The following SLC24A2 variants were observed in gnomAD, a reference collection of about 807,000 sequenced individuals.
The protein encoded by SLC24A2 is sodium/potassium/calcium exchanger 2.
In SLC24A2, 36 loss-of-function variants were observed where a neutral mutation model predicts 62.0. The observed-to-expected ratio is 0.58, with a 90% confidence interval of 0.44 to 0.77. SLC24A2 has a LOEUF of 0.77. Ranked by LOEUF, SLC24A2 falls within the 30% of genes least tolerant of loss-of-function variation. The pLI is 0.00. For missense variants in SLC24A2, 846 were observed against 817.9 expected, an observed-to-expected ratio of 1.03 and a Z score of -0.42; for synonymous variants, 358 against 294.0, an observed-to-expected ratio of 1.22 and a Z score of -2.23.
the SLC24A2 span, among the ~76,000 whole-genome samples, chr9:20,253,951 C>A: frequency 1.4e-4 from 21 of 151,854 alleles, no homozygotes; most frequent in African/African-American, 4.6e-4. Flanking sequence ...AAAGGAGGAC[C>A]AATGAGGGAG....
the SLC24A2 span, among the ~76,000 whole-genome samples, chr9:19,806,718 G>A: frequency 6.6e-6 from 1 of 152,146 alleles, no homozygotes; most frequent in East Asian, 1.9e-4. Context: ...AGTCATTTAA[G>A]AACAATGAGA....
the SLC24A2 span, among the ~76,000 whole-genome samples, chr9:20,044,051 G>C: frequency 6.6e-6 from 1 of 151,972 alleles, no homozygotes; most frequent in Admixed American, 6.5e-5. Flanking sequence ...AGCCATCAAC[G>C]TCAAGACAAG....
At chr9:19,689,417 G>A (rs1819978871) in intron 2 of SLC24A2, among the ~76,000 whole-genome samples, 3 of 152,140 alleles carry the variant, frequency 2.0e-5, no homozygotes. Flanking sequence ...CTAGTAAGGG[G>A]AGCTGCTGAA....
chr9:20,089,115 G>A, the SLC24A2 span, among the ~76,000 whole-genome samples: 1 of 152,164 alleles, frequency 6.6e-6, no homozygotes, highest in Non-Finnish European at 1.5e-5. Flanking sequence ...GCTCCCAGTG[G>A]GAGGGGTGTG....
At chr9:20,057,824 G>C in the SLC24A2 span, among the ~76,000 whole-genome samples, 22 of 152,146 alleles carry the variant, frequency 1.4e-4, no homozygotes, top group Non-Finnish European at 2.5e-4. Flanking sequence ...TTACAGGTGA[G>C]AAAACTGAGG....
At chr9:19,690,320 C>T (rs1317411908) in intron 2 of SLC24A2, among the ~76,000 whole-genome samples, 1 of 152,108 alleles carries the variant, frequency 6.6e-6, no homozygotes, top group African/African-American at 2.4e-5. Flanking sequence ...CCCTCGGCTT[C>T]ACGAGGATGC....
At chr9:19,870,221 C>T in the SLC24A2 span, among the ~76,000 whole-genome samples, 1 of 152,134 alleles carries the variant, frequency 6.6e-6, no homozygotes, top group African/African-American at 2.4e-5. Flanking sequence ...TACCAGTCCA[C>T]TTTCTTTCTC....
At chr9:19,751,521 G>C (rs1340078122) in intron 2 of SLC24A2, among the ~76,000 whole-genome samples, 1 of 152,140 alleles carries the variant, frequency 6.6e-6, no homozygotes, top group Non-Finnish European at 1.5e-5. Flanking sequence ...TGATTTTACT[G>C]TGCAGCCAGC....
the SLC24A2 span, among the ~76,000 whole-genome samples, chr9:20,102,955 G>A: frequency 2.6e-5 from 4 of 152,124 alleles, no homozygotes; most frequent in African/African-American, 9.7e-5. Context: ...AAAGAAAGGG[G>A]TGACAGACGG....
chr9:19,846,203 C>T, the SLC24A2 span, among the ~76,000 whole-genome samples: 6 of 152,214 alleles, frequency 3.9e-5, no homozygotes, highest in African/African-American at 9.6e-5. Flanking sequence ...TGAAGTCACC[C>T]ATTATTATTG....
chr9:19,993,108 T>A, the SLC24A2 span, among the ~76,000 whole-genome samples: 1 of 152,130 alleles, frequency 6.6e-6, no homozygotes. Flanking sequence ...TTGACCCTAT[T>A]TAGTAAATGA....
the SLC24A2 span, among the ~76,000 whole-genome samples, chr9:19,815,245 G>T: frequency 6.6e-6 from 1 of 152,068 alleles, no homozygotes; most frequent in Non-Finnish European, 1.5e-5. Flanking sequence ...TGACTCAAGA[G>T]GTCTTTGGGA....
the SLC24A2 span, among the ~76,000 whole-genome samples, chr9:19,903,333 G>C: frequency 2.6e-5 from 4 of 152,176 alleles, no homozygotes; most frequent in African/African-American, 9.7e-5. Flanking sequence ...CAGAGAGAGA[G>C]AGAGTGAGTG....
chr9:19,520,582 G>GAATGTTCACATT (rs1476319271), intron 10 of SLC24A2, among the ~76,000 whole-genome samples: 7 of 152,148 alleles, frequency 4.6e-5, no homozygotes, highest in Middle Eastern at 3.4e-3. Context: ...TTATCATGAA[G>GAATGTTCACATT]CTATCACGGT....
At chr9:19,726,829 C>A (rs1335934880) in intron 2 of SLC24A2, among the ~76,000 whole-genome samples, 2 of 152,174 alleles carry the variant, frequency 1.3e-5, no homozygotes, top group Non-Finnish European at 2.9e-5. Flanking sequence ...ATATACACAG[C>A]CTTTCTTTTC....
Position 19,521,057 on chromosome 9 carries a change from C to T in SLC24A2, c.1573G>A (p.Gly525Arg). The change falls in exon 10 of 11, where the codon GGA (glycine) becomes AGA (arginine). Residue 525 changes from glycine to arginine, a missense_variant. Gly to Arg is a moderately radical substitution (Grantham distance 125). Transcript: ENST00000341998. ...TCTTCACTGATGCCAATTGTCTCTC[C>T]AACCTAAATGTCAGGACAGGAATAA... ...YLMVWWAHQVGETIGISEEIM... is the reference protein window; with the variant it reads ...YLMVWWAHQVRETIGISEEIM... 2 of 1,613,902 alleles carry T rather than the reference C, an allele frequency of 1.2e-6. No homozygotes were observed. Among genetic ancestry groups the T allele is most frequent in the Non-Finnish European group, 1.7e-6 (2 of 1,179,870 alleles).
intron 5 of SLC24A2, among the ~76,000 whole-genome samples, chr9:19,578,689 T>C (rs994611658): frequency 2.0e-5 from 3 of 152,134 alleles, no homozygotes; most frequent in Non-Finnish European, 2.9e-5. Context: ...GCATGGCAGA[T>C]TGGCACCCAC....
intron 1 of SLC24A2, chr9:19,788,446 A>G (rs1823244979): frequency 2.1e-6 from 2 of 939,896 alleles, no homozygotes; most frequent in Non-Finnish European, 2.5e-6. Context: ...GTTCGCCCCC[A>G]GCCGCGCCCC....
At chr9:20,051,657 C>CCTTTTTTTTTT in the SLC24A2 span, among the ~76,000 whole-genome samples, 1 of 73,514 alleles carries the variant, frequency 1.4e-5, no homozygotes, top group Non-Finnish European at 2.4e-5. Flanking sequence ...TTTTCTTTCT[C>CCTTTTTTTTTT]TTTTTTTTTT....
Sources: allele counts gnomAD v4.1 joint callset (sites outside exome capture counted in the v4.1 genomes callset), GRCh38; gene constraint gnomAD v4.1.1; transcripts MANE v1.5; gene names NCBI Gene and HGNC (gene_info 2026-07-23, HGNC 2026-07-21).